PKD1L3: variants seen among roughly 807,000 people sequenced by gnomAD.
The protein encoded by PKD1L3 is polycystin 1 like 3, transient receptor potential channel interacting, also known as polycystin-1-like protein 3.
PKD1L3 carries 239 observed loss-of-function variants against 184.1 expected under a neutral mutation model. The ratio of observed to expected loss-of-function variants is 1.30; its 90% CI spans 1.17 to 1.45. PKD1L3 has a LOEUF of 1.45. PKD1L3 is among the 40% of genes most tolerant of loss of function. PKD1L3 has a pLI of 0.00. For missense variants in PKD1L3, 2,660 were observed against 2,067.2 expected (o/e 1.29, Z -5.56); for synonymous variants, 996 against 778.8 (o/e 1.28, Z -4.64).
At chr16:71,970,436 G>T (rs115089306) in intron 12 of PKD1L3, among the ~76,000 whole-genome samples, 3,554 of 152,240 alleles carry the variant, frequency 0.023, 158 homozygotes, top group African/African-American at 0.079. Context: ...CAACTTACAT[G>T]TTCAATAGCA....
chr16:71,997,079 C>T lies in PKD1L3; in HGVS notation c.418+1193G>A, dbSNP rs578163518. 7.3e-5 allele frequency among the ~76,000 whole-genome samples: 11 copies of T among 151,408 alleles called. No homozygotes were observed. The South Asian group carries it at 1.9e-3, about 26-fold the overall frequency. On this transcript the variant is annotated intron_variant, in intron 2 of 29. Coordinates refer to ENST00000620267, the MANE Select transcript of PKD1L3 (RefSeq NM_181536.2). ...GAGAGGAAAGTGGGAAAGAGTCACC[C>T]GGGAGAGTGGAAACAGTATGACTGC... is the stretch of plus-strand genomic sequence containing the variant.
chr16:71,989,075 C>T (rs2040488175), intron 4 of PKD1L3, among the ~76,000 whole-genome samples: 1 of 152,198 alleles, frequency 6.6e-6, no homozygotes, highest in South Asian at 2.1e-4. Context: ...AGCAGAGTGG[C>T]ATATTTTTAT....
chr16:71,971,104 T>A (rs539979631), intron 12 of PKD1L3, among the ~76,000 whole-genome samples: 121 of 151,972 alleles, frequency 8.0e-4, no homozygotes, highest in African/African-American at 2.9e-3. Context: ...AAGAATGAAT[T>A]CCCCCCTCAA....
At chr16:71,932,780 C>CTTTTTTTTTTT (rs71153681) in intron 28 of PKD1L3, among the ~76,000 whole-genome samples, 1 of 97,114 alleles carries the variant, frequency 1.0e-5, no homozygotes, top group Non-Finnish European at 1.9e-5. Context: ...CGCACCTGGC[C>CTTTTTTTTTTT]TTTTTTTTTT....
In PKD1L3 at chr16:71,993,339, G is replaced by A; in HGVS notation, c.419-7C>T. The A allele has an allele frequency of 1.3e-6, 2 of 1,508,920 alleles. No homozygotes were observed. The highest frequency in any genetic ancestry group is 1.8e-6 in the Non-Finnish European group (2 of 1,112,442). The allele number at this position is 1,508,920 out of a possible 1,614,324, so 93.5% of individuals were successfully genotyped here. On this transcript the variant is annotated splice_region_variant and splice_polypyrimidine_tract_variant and intron_variant, in intron 2 of 29. Coordinates refer to ENST00000620267, the MANE Select transcript of PKD1L3 (RefSeq NM_181536.2). ...TCTCCGTCCAAAAAGTCACCTATTT[G>A]AAAGCCAACACACAAGTTAATTTAT...
At chr16:71,933,774 G>C in intron 27 of PKD1L3, 141 bp downstream of exon 27, 1 of 913,018 alleles carries the variant, frequency 1.1e-6, no homozygotes, top group Non-Finnish European at 1.7e-6. Flanking sequence ...AGTCATACCA[G>C]TTAAGTGTGG....
At chr16:71,961,247 C>G (rs1217383985) in intron 16 of PKD1L3, among the ~76,000 whole-genome samples, 1 of 152,124 alleles carries the variant, frequency 6.6e-6, no homozygotes, top group Non-Finnish European at 1.5e-5. Flanking sequence ...CTCAGCCTCC[C>G]CAGTAGCTGG....
At chr16:71,989,239 C>T (rs2040495215) in intron 4 of PKD1L3, among the ~76,000 whole-genome samples, 1 of 152,216 alleles carries the variant, frequency 6.6e-6, no homozygotes, top group Non-Finnish European at 1.5e-5. Context: ...ACTGCAAACT[C>T]CGCCTCCTGG....
At chr16:71,965,399 G>A (rs930105906) in intron 15 of PKD1L3, among the ~76,000 whole-genome samples, 1 of 152,126 alleles carries the variant, frequency 6.6e-6, no homozygotes, top group Admixed American at 6.6e-5. Context: ...AAATACCTAT[G>A]AGTGTGATTT....
intron 24 of PKD1L3, among the ~76,000 whole-genome samples, chr16:71,941,025 G>A (rs1340137712): frequency 2.0e-5 from 3 of 151,414 alleles, no homozygotes; most frequent in Non-Finnish European, 2.9e-5. Flanking sequence ...TGGTAGAGAC[G>A]AGGTTTCACA....
intron 10 of PKD1L3, 90 bp from the exon 11 acceptor site, chr16:71,977,557 G>GTTATTC: frequency 3.0e-6 from 2 of 671,624 alleles, no homozygotes; most frequent in Non-Finnish European, 2.2e-6. Context: ...AAACGTCCTA[G>GTTATTC]CTCTTTTTTT....
chr16:71,974,016 ATAT>A lies in PKD1L3; in HGVS notation c.1760-502_1760-500del, dbSNP rs774706156. On this transcript the variant is annotated intron_variant, in intron 11 of 29. Coordinates refer to ENST00000620267, the MANE Select transcript of PKD1L3 (RefSeq NM_181536.2). ...GATTTTGTCTCAAAAAAAAAAAAAA[ATAT>A]ATATATTCTTCTGGTATGTGAACAT... Among the ~76,000 whole-genome samples the A allele has an allele frequency of 2.3e-3, 212 of 93,316 alleles. 2 individuals carry two copies. The highest frequency in any genetic ancestry group is 4.7e-3 in the Middle Eastern group (1 of 214). The allele number at this position is 93,316 out of a possible 152,430, so 61.2% of individuals were successfully genotyped here.
chr16:71,929,870 G>T (rs1304114384), intron 29 of PKD1L3, 182 bp downstream of exon 29: 3 of 977,612 alleles, frequency 3.1e-6, no homozygotes, highest in Non-Finnish European at 4.4e-6. Context: ...AATGGCTATA[G>T]AATATTATGT....
intron 15 of PKD1L3, among the ~76,000 whole-genome samples, chr16:71,966,235 C>G (rs1363836229): frequency 2.0e-5 from 3 of 152,136 alleles, no homozygotes; most frequent in African/African-American, 7.2e-5. Context: ...CAGTAATCCT[C>G]ATTCTTAATT....
intron 1 of PKD1L3, 32 bp from the exon 2 acceptor site, chr16:71,998,426 T>C (rs1373186361): frequency 2.0e-6 from 3 of 1,527,886 alleles, no homozygotes; most frequent in Admixed American, 2.4e-5. Context: ...ATGAGCCTCA[T>C]ACTCGAAAGC....
chr16:71,978,243 A>C lies in PKD1L3; in HGVS notation c.1527+12T>G, dbSNP rs1238739940. The stretch of plus-strand genomic sequence containing the variant: ...TTCTCTTCTATTTTATTCCCTAAGA[A>C]TCAGTTCCTACCTCAATGTCCTCCA... On this transcript the variant is annotated intron_variant, in intron 10 of 29. Transcript: ENST00000620267. 1 of 1,546,650 alleles carries C rather than the reference A, an allele frequency of 6.5e-7. No homozygotes were observed. Among genetic ancestry groups the C allele is most frequent in the Non-Finnish European group, 8.7e-7 (1 of 1,143,602 alleles).
intron 26 of PKD1L3, 143 bp downstream of exon 26, chr16:71,935,215 G>T: frequency 1.2e-6 from 1 of 853,162 alleles, no homozygotes; most frequent in Non-Finnish European, 1.8e-6. Flanking sequence ...CTTCTCTGCT[G>T]TGGACATGAG....
chr16:71,997,117 A>G (rs2040814226), intron 2 of PKD1L3, among the ~76,000 whole-genome samples: 1 of 152,110 alleles, frequency 6.6e-6, no homozygotes. Context: ...TGGCTAGACC[A>G]CAGTGGTTTA....
At position 71,947,568 on chromosome 16, in the gene PKD1L3, G is replaced by A. The variant is rs1035542417; in HGVS notation, c.3642C>T (p.Tyr1214=). ...PVKVVFFTFL[Y]SLMMSRMPRL... ...GTGGCATCCTGCTCATCATCAGTGA[G>A]TATAAGAATGTGAAGAAGACCACCT... The change falls in exon 22 of 30, where the codon TAC becomes TAT. Residue 1214 remains tyrosine, a synonymous_variant. Coordinates refer to ENST00000620267, the MANE Select transcript of PKD1L3 (RefSeq NM_181536.2). 3 of 1,545,952 alleles carry A rather than the reference G, an allele frequency of 1.9e-6. No homozygotes were observed. The highest frequency in any genetic ancestry group is 2.7e-5 in the African/African-American group (2 of 72,884).
Sources: gnomAD v4.1 joint callset for allele counts (sites outside exome capture counted in the v4.1 genomes callset) on GRCh38, gnomAD v4.1.1 for gene constraint, MANE v1.5 for transcripts, NCBI Gene and HGNC (gene_info 2026-07-23, HGNC 2026-07-21) for gene names.